PCDHGA2: variants seen among roughly 807,000 people sequenced by gnomAD.
PCDHGA2 encodes protocadherin gamma-A2.
A neutral mutation model predicts 59.2 loss-of-function variants in PCDHGA2; 40 were observed. The ratio of observed to expected loss-of-function variants is 0.68; its 90% CI spans 0.52 to 0.88. The LOEUF is 0.88. Among genes scored for constraint, PCDHGA2 ranks in the 40% least tolerant of loss-of-function variants. The pLI is 0.00. For synonymous variants in PCDHGA2, 560 were observed against 526.0 expected, an observed-to-expected ratio of 1.06 and a Z score of -0.89; for missense variants, 1,226 against 1,204.0, an observed-to-expected ratio of 1.02 and a Z score of -0.27.
intron 1 of PCDHGA2, chr5:141,411,968 T>C (rs1257112227): frequency 6.6e-6 from 1 of 152,260 alleles, no homozygotes; most frequent in Non-Finnish European, 1.5e-5. Flanking sequence ...GATAAAATCT[T>C]TGAAGAGTTC....
At chr5:141,344,980 A>G in intron 1 of PCDHGA2, 1 of 1,613,920 alleles carries the variant, frequency 6.2e-7, no homozygotes, top group Non-Finnish European at 8.5e-7. Flanking sequence ...ATGTTCTATG[A>G]AATTAAAATT....
intron 1 of PCDHGA2, chr5:141,360,475 CTAAA>C: frequency 6.2e-7 from 1 of 1,613,928 alleles, no homozygotes; most frequent in African/African-American, 1.3e-5. Flanking sequence ...TGAAAATCCA[CTAAA>C]TATTTTCTAC....
intron 1 of PCDHGA2, chr5:141,345,349 C>G (rs1040272495): frequency 1.9e-6 from 3 of 1,613,964 alleles, no homozygotes; most frequent in Non-Finnish European, 2.5e-6. Flanking sequence ...ACTCACATCA[C>G]CCTGCATGTG....
chr5:141,374,328 G>A, intron 1 of PCDHGA2: 5 of 1,613,996 alleles, frequency 3.1e-6, no homozygotes, highest in Non-Finnish European at 4.2e-6. Context: ...CCGCGAAACG[G>A]CAGCTTGGTC....
At chr5:141,421,892 T>C in intron 1 of PCDHGA2, 1 of 1,613,684 alleles carries the variant, frequency 6.2e-7, no homozygotes, top group Non-Finnish European at 8.5e-7. Context: ...GGCGATCCCA[T>C]CCGAAAGGGC....
At chr5:141,393,447 C>T (rs753693736) in intron 1 of PCDHGA2, 3 of 1,614,052 alleles carry the variant, frequency 1.9e-6, no homozygotes, top group East Asian at 4.5e-5. Context: ...CCACCTGGTC[C>T]TCACGGCCTC....
At chr5:141,357,327 G>T (rs373544325) in intron 1 of PCDHGA2, 3 of 1,614,030 alleles carry the variant, frequency 1.9e-6, no homozygotes, top group East Asian at 2.2e-5. Flanking sequence ...CTTTTGTCAC[G>T]GTGCTGCTAG....
At position 141,394,884 on chromosome 5, in the gene PCDHGA2, C is replaced by G. The variant is rs2093119839; in HGVS notation, c.2424+53489C>G. The G allele has an allele frequency of 1.2e-6, 2 of 1,613,784 alleles. 1 individual carries two copies. Among genetic ancestry groups the G allele is most frequent in the Admixed American group, 3.3e-5 (2 of 60,002 alleles). On this transcript the variant is annotated intron_variant, in intron 1 of 3. Coordinates refer to ENST00000394576, the MANE Select transcript of PCDHGA2 (RefSeq NM_018915.4). ...CGACCCGAACGATTCGAGCCTTACACTCTATCTCGTGGTGGCAGTGGCTGC... is the reference window on the plus strand; with the variant it reads ...CGACCCGAACGATTCGAGCCTTACAGTCTATCTCGTGGTGGCAGTGGCTGC...
At chr5:141,364,779 C>T (rs1036037278) in intron 1 of PCDHGA2, 1 of 1,613,980 alleles carries the variant, frequency 6.2e-7, no homozygotes, top group East Asian at 2.2e-5. Flanking sequence ...GCTGCAGGGA[C>T]ACGGTTAGTG....
chr5:141,413,639 GT>G, intron 1 of PCDHGA2: 1 of 1,613,854 alleles, frequency 6.2e-7, no homozygotes, highest in South Asian at 1.1e-5. Context: ...GCGGGAATGC[GT>G]TTTCCTCTCC....
In PCDHGA2 at chr5:141,511,098, T is replaced by G; in HGVS notation, c.2724T>G (p.Ala908=). 6.2e-7 allele frequency: 1 copy of G among 1,614,132 alleles called. No individual in the cohort carries two copies. The highest frequency in any genetic ancestry group is 8.5e-7 in the Non-Finnish European group (1 of 1,179,996). ...PGSNATLTNA[A]GKRDGKAPAG... is the part of the protein sequence containing the mutation. The stretch of plus-strand genomic sequence containing the variant: ...GCAATGCCACACTGACCAACGCAGC[T>G]GGCAAGCGGGATGGCAAGGCCCCAG... Residue 908 remains alanine, a synonymous_variant, in exon 4 of 4, where the codon GCT becomes GCG. Transcript: ENST00000394576.
At chr5:141,449,106 T>A (rs2154562506) in intron 1 of PCDHGA2, among the ~76,000 whole-genome samples, 2 of 152,314 alleles carry the variant, frequency 1.3e-5, no homozygotes, top group East Asian at 3.9e-4. Context: ...ATGCAGTATA[T>A]CTTTGGGATG....
intron 1 of PCDHGA2, chr5:141,409,634 G>GGA (rs766487639): frequency 1.2e-6 from 2 of 1,613,720 alleles, no homozygotes; most frequent in African/African-American, 2.7e-5. Flanking sequence ...GAGCGCCTCT[G>GGA]ACCCGGATTT....
intron 1 of PCDHGA2, among the ~76,000 whole-genome samples, chr5:141,468,952 G>GTT (rs34870721): frequency 3.3e-5 from 5 of 151,198 alleles, no homozygotes; most frequent in Admixed American, 6.6e-5. Flanking sequence ...TAAACCTGTG[G>GTT]TTTTTTTTAC....
At chr5:141,352,975 G>A (rs1463043054) in intron 1 of PCDHGA2, among the ~76,000 whole-genome samples, 11 of 152,080 alleles carry the variant, frequency 7.2e-5, no homozygotes, top group Admixed American at 7.2e-4. Context: ...GTGATGGGAG[G>A]GAAACTGTCT....
At position 141,489,300 on chromosome 5, in the gene PCDHGA2, C is replaced by T; in HGVS notation, c.2425-5507C>T. 1 of 1,585,700 alleles carries T rather than the reference C, an allele frequency of 6.3e-7. No individual in the cohort carries two copies. The highest frequency in any genetic ancestry group is 1.3e-5 in the African/African-American group (1 of 74,388). On this transcript the variant is annotated intron_variant, in intron 1 of 3. Coordinates refer to ENST00000394576, the MANE Select transcript of PCDHGA2 (RefSeq NM_018915.4). This position sits in a 1 kb window ranked among gnomAD's most constrained non-coding sequence, Gnocchi z 4.5. The stretch of plus-strand genomic sequence containing the variant: ...AATGGCAAGTGCTGTGCATGTTGTC[C>T]TTGTGCTGCTGGGGCTGGGTGTCTG...
At chr5:141,480,894 C>CA (rs1235468010) in intron 1 of PCDHGA2, among the ~76,000 whole-genome samples, 15 of 151,848 alleles carry the variant, frequency 9.9e-5, no homozygotes, top group African/African-American at 3.4e-4. Context: ...AAAATGCAAA[C>CA]ATTAGCTGGG....
chr5:141,491,503 G>C lies in PCDHGA2; in HGVS notation c.2425-3304G>C. On this transcript the variant is annotated intron_variant, in intron 1 of 3. Coordinates refer to ENST00000394576, the MANE Select transcript of PCDHGA2 (RefSeq NM_018915.4). The surrounding 1 kb of genome is among the most constrained non-coding windows in gnomAD (Gnocchi z 6.9). ...CCCCAACCTGCAGGTGAGCTCGGACGGCACGCTCAAGTACATGGAGGTGAC... is the reference window on the plus strand; with the variant it reads ...CCCCAACCTGCAGGTGAGCTCGGACCGCACGCTCAAGTACATGGAGGTGAC... The C allele has an allele frequency of 6.2e-7, 1 of 1,614,030 alleles. No homozygotes were observed.
intron 1 of PCDHGA2, among the ~76,000 whole-genome samples, chr5:141,450,315 G>A (rs1319432573): frequency 1.3e-5 from 2 of 151,918 alleles, no homozygotes; most frequent in African/African-American, 4.8e-5. Context: ...GTGTGGCCTA[G>A]TTGCCATGTC....
Sources: allele counts gnomAD v4.1 joint callset (sites outside exome capture counted in the v4.1 genomes callset), GRCh38; gene constraint gnomAD v4.1.1; non-coding constraint Gnocchi (gnomAD v3.1); transcripts MANE v1.5; gene names NCBI Gene and HGNC (gene_info 2026-07-23, HGNC 2026-07-21).